Variants in ANXA10 observed in about 807,000 individuals in gnomAD.
ANXA10 encodes annexin A10, also known as annexin 14.
ANXA10 carries 49 observed loss-of-function variants against 53.5 expected under a neutral mutation model. The ratio of observed to expected loss-of-function variants is 0.92; its 90% confidence interval spans 0.73 to 1.16. The LOEUF (loss-of-function observed/expected upper bound fraction) is 1.16. ANXA10 is among the 50% of genes most tolerant of loss of function. The pLI is 0.00. For missense variants in ANXA10, 393 were observed against 394.4 expected (o/e 1.00, Z 0.03); for synonymous variants, 131 against 128.9 (o/e 1.02, Z -0.11).
intron 1 of ANXA10, among the ~76,000 whole-genome samples, chr4:168,116,172 A>G (rs747530350): frequency 6.6e-6 from 1 of 152,204 alleles, no homozygotes; most frequent in Non-Finnish European, 1.5e-5. Context: ...TTCACATAAT[A>G]TAGTTGGAGC....
intron 3 of ANXA10, among the ~76,000 whole-genome samples, chr4:168,155,800 TAATATATGATATATTATATATGATATATG>T (rs1731625676): frequency 2.9e-5 from 1 of 34,806 alleles, no homozygotes; most frequent in Admixed American, 5.8e-4. Flanking sequence ...ATATAATATA[TAATATATGATATATTATATATGATATATG>T]ATATATCATA....
In ANXA10 at chr4:168,155,780, T is replaced by C. The variant is rs767178443; in HGVS notation, c.196-6748T>C. On this transcript the variant is annotated intron_variant, in intron 3 of 11. Transcript: ENST00000359299. Reference sequence around the variant, plus strand: ...ATATAATATATGATATATCATATATTATATATTATATATAATATATAATAT... The same window carrying C: ...ATATAATATATGATATATCATATATCATATATTATATATAATATATAATAT... Among the ~76,000 whole-genome samples the C allele has an allele frequency of 2.1e-3, 20 of 9,476 alleles. 5 individuals carry two copies. The highest frequency in any genetic ancestry group is 0.013 in the East Asian group (9 of 670). The allele number at this position is 9,476 out of a possible 152,430, so 6.2% of individuals were successfully genotyped here.
chr4:168,097,345 G>A (rs747365580), intron 1 of ANXA10, among the ~76,000 whole-genome samples: 7 of 152,032 alleles, frequency 4.6e-5, no homozygotes, highest in Non-Finnish European at 8.8e-5. Flanking sequence ...ACATATGGGT[G>A]TTATTAGACA....
At chr4:168,150,521 C>T (rs1731478786) in intron 3 of ANXA10, among the ~76,000 whole-genome samples, 1 of 152,092 alleles carries the variant, frequency 6.6e-6, no homozygotes, top group Non-Finnish European at 1.5e-5. Flanking sequence ...AGCATGGTCT[C>T]CTGCCGAAAA....
At chr4:168,130,274 C>G (rs1471575370) in intron 2 of ANXA10, among the ~76,000 whole-genome samples, 1 of 152,016 alleles carries the variant, frequency 6.6e-6, no homozygotes, top group Admixed American at 6.6e-5. Context: ...GATGACATAA[C>G]TGATTTTTAA....
chr4:168,184,695 A>T lies in ANXA10; in HGVS notation c.906+14A>T. The T allele has an allele frequency of 1.2e-6, 2 of 1,611,394 alleles. No individual in the cohort carries two copies. The highest frequency in any genetic ancestry group is 2.2e-5 in the East Asian group (1 of 44,838). On this transcript the variant is annotated intron_variant, in intron 11 of 11. Coordinates refer to ENST00000359299, the MANE Select transcript of ANXA10 (RefSeq NM_007193.5). ...CATGATATCAGAGTAAGTTTCCGAC[A>T]CATGATTTATTTGGACCCACATTTT...
At chr4:168,094,758 A>G (rs146727572) in intron 1 of ANXA10, among the ~76,000 whole-genome samples, 2 of 152,212 alleles carry the variant, frequency 1.3e-5, no homozygotes, top group East Asian at 3.9e-4. Context: ...TTCAAGCAAG[A>G]GACAAGAATC....
intron 3 of ANXA10, among the ~76,000 whole-genome samples, chr4:168,145,905 C>G (rs1037819026): frequency 7.0e-6 from 1 of 142,078 alleles, no homozygotes; most frequent in Admixed American, 7.3e-5. Flanking sequence ...TACCTTGACT[C>G]TTAGTCTATT....
rs779230262 is a variant in ANXA10 at position 168,164,309 on chromosome 4, G to T, written c.400+21G>T. ...CTTGCGTAAGGAAATATACATATGTGAATATATTTTACACATATAAGAACT... is the reference window on the plus strand; with the variant it reads ...CTTGCGTAAGGAAATATACATATGTTAATATATTTTACACATATAAGAACT... On this transcript the variant is annotated intron_variant, in intron 5 of 11. Transcript: ENST00000359299. 15 of 1,543,814 alleles carry T rather than the reference G, an allele frequency of 9.7e-6. No individual in the cohort carries two copies. The South Asian group carries it at 1.7e-4, about 17-fold the overall frequency.
In ANXA10 at chr4:168,184,605, G is replaced by C. The variant is rs149151672; in HGVS notation, c.830G>C (p.Arg277Thr). ...ACTGTAATCAGGATTCTCATTGCCA[G>C]AAGTGAAATAGACCTGCTGACCATA... ...NKTVIRILIA[R>T]SEIDLLTIRK... is the part of the protein sequence containing the mutation. The change falls in exon 11 of 12, where the codon AGA becomes ACA. Residue 277 changes from arginine (R) to threonine (T), a missense_variant. Arg to Thr is a moderately conservative substitution (Grantham distance 71). Transcript: ENST00000359299. The C allele has an allele frequency of 1.9e-6, 3 of 1,613,894 alleles. No individual in the cohort carries two copies. Among genetic ancestry groups the C allele is most frequent in the Admixed American group, 1.7e-5 (1 of 60,004 alleles).
intron 10 of ANXA10, among the ~76,000 whole-genome samples, chr4:168,183,009 GAAAAAAAAAA>G (rs747151480): frequency 1.1e-5 from 1 of 93,394 alleles, no homozygotes; most frequent in Non-Finnish European, 2.2e-5. Flanking sequence ...CACCGTCTCG[GAAAAAAAAAA>G]AAAAAAAAAA....
At chr4:168,173,794 A>G (rs1228135446) in intron 6 of ANXA10, among the ~76,000 whole-genome samples, 1 of 152,166 alleles carries the variant, frequency 6.6e-6, no homozygotes, top group Non-Finnish European at 1.5e-5. Context: ...CCTCTGGTTG[A>G]TCCCCAGCCT....
At chr4:168,119,404 C>T (rs1579207944) in intron 1 of ANXA10, among the ~76,000 whole-genome samples, 3 of 152,144 alleles carry the variant, frequency 2.0e-5, no homozygotes, top group Non-Finnish European at 2.9e-5. Context: ...TCATTTAGCA[C>T]ACCTTCTCAT....
At chr4:168,150,320 C>T (rs1162662920) in intron 3 of ANXA10, among the ~76,000 whole-genome samples, 1 of 152,030 alleles carries the variant, frequency 6.6e-6, no homozygotes, top group Admixed American at 6.5e-5. Context: ...ATGTAAACTG[C>T]GAAAATATCT....
Position 168,138,250 on chromosome 4 carries a change from C to G in ANXA10, c.101-1236C>G, listed in dbSNP as rs1181562361. Among the ~76,000 whole-genome samples, 6 of 152,034 alleles carry G rather than the reference C, an allele frequency of 3.9e-5. No individual in the cohort carries two copies. The East Asian group carries it at 9.7e-4, about 24-fold the overall frequency. On this transcript the variant is annotated intron_variant, in intron 2 of 11. Coordinates refer to ENST00000359299, the MANE Select transcript of ANXA10 (RefSeq NM_007193.5). ...TGCTGGGATTACAGGCATGAGCCAT[C>G]GTGCCTGGCCATTAACTTTTTAATA...
At chr4:168,127,932 C>G (rs1223909265) in intron 1 of ANXA10, 152 bp from the exon 2 acceptor site, 2 of 563,496 alleles carry the variant, frequency 3.5e-6, no homozygotes, top group Non-Finnish European at 6.4e-6. Flanking sequence ...TCATGTTGGC[C>G]AGGTTGGTCT....
At chr4:168,098,923 T>C (rs1195988245) in intron 1 of ANXA10, among the ~76,000 whole-genome samples, 1 of 152,162 alleles carries the variant, frequency 6.6e-6, no homozygotes, top group Non-Finnish European at 1.5e-5. Flanking sequence ...AACTTTGGAT[T>C]GGCTTTTCAT....
chr4:168,100,391 G>A (rs1730620275), intron 1 of ANXA10, among the ~76,000 whole-genome samples: 1 of 152,190 alleles, frequency 6.6e-6, no homozygotes, highest in African/African-American at 2.4e-5. Flanking sequence ...ACCTCACTAT[G>A]ACAATGTGTG....
At chr4:168,166,289 A>G (rs888442292) in intron 6 of ANXA10, among the ~76,000 whole-genome samples, 1 of 152,194 alleles carries the variant, frequency 6.6e-6, no homozygotes. Context: ...GGTGTTATAT[A>G]TTACCAAAAA....
Sources: gnomAD v4.1 joint callset for allele counts (sites outside exome capture counted in the v4.1 genomes callset) on GRCh38, gnomAD v4.1.1 for gene constraint, MANE v1.5 for transcripts, NCBI Gene and HGNC (gene_info 2026-07-23, HGNC 2026-07-21) for gene names.